AOAH: variants seen among roughly 807,000 people sequenced by gnomAD.
The protein encoded by AOAH is acyloxyacyl hydrolase (neutrophil).
Under a neutral mutation model 92.2 loss-of-function variants are expected in AOAH, and 64 were observed. The observed-to-expected ratio is 0.69, with a 90% CI of 0.57 to 0.86. The LOEUF (loss-of-function observed/expected upper bound fraction) is 0.86. AOAH is among the 40% of genes least tolerant of loss of function. The pLI, the probability that AOAH is intolerant of heterozygous loss-of-function variation, is 0.00. For synonymous variants in AOAH, 263 were observed against 254.5 expected (o/e 1.03, Z -0.32); for missense variants, 656 against 694.6 (o/e 0.94, Z 0.62).
chr7:36,711,210 G>A (rs1420748188), intron 1 of AOAH, among the ~76,000 whole-genome samples: 1 of 152,118 alleles, frequency 6.6e-6, no homozygotes, highest in African/African-American at 2.4e-5. Context: ...CATTCATTCT[G>A]TCTAGGAAAA....
intron 12 of AOAH, among the ~76,000 whole-genome samples, chr7:36,580,704 G>C (rs532089031): frequency 6.6e-6 from 1 of 152,264 alleles, no homozygotes; most frequent in East Asian, 1.9e-4. Context: ...AAAGCTAATT[G>C]ATTTTGATTG....
chr7:36,639,040 A>G (rs1298804255), intron 4 of AOAH, among the ~76,000 whole-genome samples: 1 of 152,188 alleles, frequency 6.6e-6, no homozygotes, highest in Non-Finnish European at 1.5e-5. Context: ...CTGTGCTCCA[A>G]CTGCACCCAG....
intron 11 of AOAH, among the ~76,000 whole-genome samples, chr7:36,597,578 C>CA (rs1197610408): frequency 3.9e-5 from 6 of 152,182 alleles, no homozygotes; most frequent in Non-Finnish European, 7.3e-5. Flanking sequence ...CAGTAACCTG[C>CA]AAAACACGTT....
intron 8 of AOAH, 43 bp downstream of exon 8, chr7:36,621,667 C>T (rs762923721): frequency 3.8e-6 from 6 of 1,588,576 alleles, no homozygotes; most frequent in Non-Finnish European, 4.3e-6. Context: ...GCTTCCTTTT[C>T]TGAAGATAAT....
At chr7:36,712,221 T>C (rs921535884) in intron 1 of AOAH, among the ~76,000 whole-genome samples, 3 of 152,206 alleles carry the variant, frequency 2.0e-5, no homozygotes, top group Admixed American at 6.5e-5. Flanking sequence ...TGTGGCCACC[T>C]CTGTGTTCAT....
At chr7:36,536,362 C>A (rs1265778662) in intron 16 of AOAH, among the ~76,000 whole-genome samples, 2 of 152,104 alleles carry the variant, frequency 1.3e-5, no homozygotes, top group Non-Finnish European at 2.9e-5. Context: ...ATAAATGGAC[C>A]TCACCCTCTT....
intron 11 of AOAH, among the ~76,000 whole-genome samples, chr7:36,604,704 G>A (rs1790870477): frequency 6.6e-6 from 1 of 152,176 alleles, no homozygotes. Flanking sequence ...GCTGCATGTT[G>A]AGAATGACCT....
chr7:36,708,201 A>G (rs190691560), intron 1 of AOAH, among the ~76,000 whole-genome samples: 1 of 152,152 alleles, frequency 6.6e-6, no homozygotes, highest in East Asian at 1.9e-4. Flanking sequence ...ATAGTATACT[A>G]CATGTTTCTG....
intron 20 of AOAH, among the ~76,000 whole-genome samples, chr7:36,514,222 A>G (rs1790204922): frequency 6.6e-6 from 1 of 152,240 alleles, no homozygotes; most frequent in South Asian, 2.1e-4. Flanking sequence ...GGAGTTCCCT[A>G]GATGGATGAT....
chr7:36,527,216 G>C (rs1025986928), intron 19 of AOAH, among the ~76,000 whole-genome samples: 1 of 152,180 alleles, frequency 6.6e-6, no homozygotes, highest in Non-Finnish European at 1.5e-5. Flanking sequence ...TGTCAGGGTG[G>C]AAAATGAATG....
intron 2 of AOAH, among the ~76,000 whole-genome samples, chr7:36,677,012 T>C (rs971683204): frequency 1.3e-5 from 2 of 152,110 alleles, no homozygotes; most frequent in Admixed American, 6.5e-5. Context: ...TTACTGACTT[T>C]GGGTTAGGCA....
At chr7:36,686,675 C>T in intron 2 of AOAH, 24 bp downstream of exon 2, 1 of 1,420,940 alleles carries the variant, frequency 7.0e-7, no homozygotes. Flanking sequence ...AGACCCTCAG[C>T]AGTATGACTC....
intron 12 of AOAH, among the ~76,000 whole-genome samples, chr7:36,592,130 A>T (rs1449786172): frequency 1.3e-5 from 2 of 152,158 alleles, no homozygotes; most frequent in Non-Finnish European, 2.9e-5. Context: ...TCTTTTTGTT[A>T]TTGTCATAAA....
chr7:36,684,906 CAAAAAAAAAAAAAAAAAAAA>C (rs57827044), intron 2 of AOAH, among the ~76,000 whole-genome samples: 2 of 59,988 alleles, frequency 3.3e-5, no homozygotes, highest in African/African-American at 1.3e-4. Flanking sequence ...GACCTTGTCT[CAAAAAAAAAAAAAAAAAAAA>C]AAAAAAAAAA....
chr7:36,533,345 A>G (rs1267349448), intron 16 of AOAH, among the ~76,000 whole-genome samples: 2 of 152,190 alleles, frequency 1.3e-5, no homozygotes, highest in Non-Finnish European at 2.9e-5. Context: ...ATTGAAGGTG[A>G]TAGAACACAG....
intron 3 of AOAH, 46 bp from the exon 4 acceptor site, chr7:36,659,311 C>A (rs746810379): frequency 6.9e-7 from 1 of 1,452,426 alleles, no homozygotes; most frequent in African/African-American, 1.4e-5. Context: ...ATCTCTTAGG[C>A]ATTAGGAAAC....
intron 15 of AOAH, among the ~76,000 whole-genome samples, chr7:36,541,393 T>C (rs1235375601): frequency 6.6e-6 from 1 of 152,246 alleles, no homozygotes; most frequent in African/African-American, 2.4e-5. Context: ...AATCAAAGCA[T>C]GTCAGACAAA....
At chr7:36,598,310 GA>G (rs1017686861) in intron 11 of AOAH, 5 of 152,206 alleles carry the variant, frequency 3.3e-5, no homozygotes, top group Admixed American at 1.3e-4. Flanking sequence ...GGGAGCCCTG[GA>G]AGGCCCAGGC....
intron 16 of AOAH, among the ~76,000 whole-genome samples, chr7:36,539,747 C>T (rs955299259): frequency 1.3e-5 from 2 of 152,180 alleles, no homozygotes; most frequent in African/African-American, 4.8e-5. Flanking sequence ...ATCTATCTCA[C>T]AGGGTTAAGG....
Sources: gnomAD v4.1 joint callset for allele counts (sites outside exome capture counted in the v4.1 genomes callset) on GRCh38, gnomAD v4.1.1 for gene constraint, MANE v1.5 for transcripts, NCBI Gene and HGNC (gene_info 2026-07-23, HGNC 2026-07-21) for gene names.